Variants in LHFPL1 observed in about 807,000 individuals in gnomAD.
LHFPL1 encodes LHFPL tetraspan subfamily member 1 protein.
LHFPL1 carries 4 observed loss-of-function variants against 12.1 expected under a neutral mutation model. The observed-to-expected ratio is 0.33, with a 90% CI of 0.16 to 0.76. The LOEUF is 0.76. LHFPL1 is among the 30% of genes least tolerant of loss of function. The pLI is 0.61. For missense variants in LHFPL1, 141 were observed against 174.1 expected (o/e 0.81, Z 1.07); for synonymous variants, 52 against 61.9 (o/e 0.84, Z 0.75).
chrX:112,673,200 T>C (rs1339429994), intron 1 of LHFPL1, among the ~76,000 whole-genome samples: 7 of 111,727 alleles, frequency 6.3e-5, no homozygotes, highest in Non-Finnish European at 1.3e-4. Flanking sequence ...CATATGTATT[T>C]TGTGCTACGT....
chrX:112,658,431 CA>C (rs1160376369), intron 3 of LHFPL1, among the ~76,000 whole-genome samples: 137 of 40,089 alleles, frequency 3.4e-3, no homozygotes, highest in Middle Eastern at 0.013. Flanking sequence ...TCTCAAAAAA[CA>C]AAAAAAAAAA....
At chrX:112,660,029 G>A (rs1931130937) in intron 3 of LHFPL1, among the ~76,000 whole-genome samples, 2 of 111,939 alleles carry the variant, frequency 1.8e-5, no homozygotes, top group South Asian at 7.6e-4. Context: ...CATGATAGGT[G>A]GGGGAATATT....
intron 1 of LHFPL1, among the ~76,000 whole-genome samples, chrX:112,674,639 C>T (rs1209840336): frequency 1.8e-5 from 2 of 110,249 alleles, no homozygotes; most frequent in African/African-American, 3.3e-5. Flanking sequence ...CATGAATAGA[C>T]AATTATTAAA....
chrX:112,656,629 A>G (rs779369792), intron 3 of LHFPL1, among the ~76,000 whole-genome samples: 14 of 112,259 alleles, frequency 1.2e-4, no homozygotes, highest in African/African-American at 4.2e-4. Flanking sequence ...TAAGGAATAC[A>G]CTTAAAAGTT....
At chrX:112,634,325 TGTAG>T (rs781299829) in intron 3 of LHFPL1, among the ~76,000 whole-genome samples, 20 of 111,112 alleles carry the variant, frequency 1.8e-4, no homozygotes, top group African/African-American at 6.2e-4. Context: ...TAAGTCAAGT[TGTAG>T]TAGACTCACC....
intron 1 of LHFPL1, among the ~76,000 whole-genome samples, chrX:112,675,073 G>A (rs903198071): frequency 4.5e-5 from 5 of 111,435 alleles, no homozygotes; most frequent in African/African-American, 1.3e-4. Context: ...AAGCTATGAG[G>A]ATGCAAAGGC....
chrX:112,643,907 A>C, intron 3 of LHFPL1, among the ~76,000 whole-genome samples: 1 of 111,519 alleles, frequency 9.0e-6, no homozygotes, highest in East Asian at 2.8e-4. Context: ...AAGTCATCAA[A>C]CCTTTTTGAG....
At chrX:112,646,366 G>A (rs1280774257) in intron 3 of LHFPL1, among the ~76,000 whole-genome samples, 1 of 104,158 alleles carries the variant, frequency 9.6e-6, no homozygotes, top group Non-Finnish European at 2.0e-5. Flanking sequence ...GGGGGGGTGC[G>A]GGGGCTGGTA....
intron 1 of LHFPL1, among the ~76,000 whole-genome samples, chrX:112,675,717 C>G (rs1399010747): frequency 9.0e-6 from 1 of 111,035 alleles, no homozygotes; most frequent in Non-Finnish European, 1.9e-5. Context: ...CCAGGAAAGT[C>G]CCAAAAAACC....
rs1367365911 is a variant in LHFPL1, at chrX:112,658,241, TA to T, written c.481+2385del. ...GGAGTTCAAGAATGCCTGGCCAACA[TA>T]GTGAAACCCCATCTCTCCTAAAAAA... On this transcript the variant is annotated intron_variant, in intron 3 of 3. Coordinates refer to ENST00000371968, the MANE Select transcript of LHFPL1 (RefSeq NM_178175.4). 8.2e-5 allele frequency among the ~76,000 whole-genome samples: 9 copies of T among 109,369 alleles called. No individual in the cohort carries two copies. The Admixed American group carries it at 8.8e-4, about 11-fold the overall frequency. 95.0% of individuals were successfully genotyped at this position (109,369 alleles called of 115,157 possible). A position where few individuals can be genotyped will look rare whatever the true frequency, so the allele number is the denominator to read the frequency against.
intron 3 of LHFPL1, among the ~76,000 whole-genome samples, chrX:112,645,030 C>T (rs1342518859): frequency 1.8e-5 from 2 of 112,170 alleles, no homozygotes; most frequent in Admixed American, 9.3e-5. Context: ...TTTGGGTAGC[C>T]TCTACTGCAG....
intron 2 of LHFPL1, among the ~76,000 whole-genome samples, chrX:112,663,521 A>G (rs1931248682): frequency 9.0e-6 from 1 of 111,670 alleles, no homozygotes; most frequent in Non-Finnish European, 1.9e-5. Context: ...ATAAAAAAAA[A>G]ATAGAAAGGA....
At chrX:112,649,654 T>C (rs1239780010) in intron 3 of LHFPL1, among the ~76,000 whole-genome samples, 1 of 112,263 alleles carries the variant, frequency 8.9e-6, no homozygotes, top group Non-Finnish European at 1.9e-5. Context: ...CATTATTTTA[T>C]TTTACTTGAA....
rs151285479 is a variant in LHFPL1 at position 112,640,372 on chromosome X, G to A, written c.482-8771C>T. Among the ~76,000 whole-genome samples the A allele has an allele frequency of 2.3e-3, 259 of 111,472 alleles. 6 individuals carry two copies. Among genetic ancestry groups the A allele is most frequent in the East Asian group, 0.022 (77 of 3,512 alleles). On this transcript the variant is annotated intron_variant, in intron 3 of 3. Coordinates refer to ENST00000371968, the MANE Select transcript of LHFPL1 (RefSeq NM_178175.4). ...AAGAAGGGCATTCCCAGCAAAGGGA[G>A]TAACACATGCAAAGTTGCAAAGGGG...
intron 2 of LHFPL1, among the ~76,000 whole-genome samples, chrX:112,670,074 G>T (rs1295199525): frequency 8.9e-6 from 1 of 111,961 alleles, no homozygotes; most frequent in Non-Finnish European, 1.9e-5. Flanking sequence ...CAAGTTTCCT[G>T]GCTCTAGTGA....
chrX:112,638,388 C>T (rs1186248941), intron 3 of LHFPL1, among the ~76,000 whole-genome samples: 1 of 111,376 alleles, frequency 9.0e-6, no homozygotes, highest in African/African-American at 3.3e-5. Flanking sequence ...ATGGCTTTCA[C>T]AGGCTTCCAC....
chrX:112,671,253 T>C lies in LHFPL1; in HGVS notation c.138A>G (p.Thr46=). ...SQMGKPVSFS[T]FRRCNYPVRG... is the part of the protein sequence containing the mutation. ...GCACAGGGTAGTTGCACCTCCGGAA[T>C]GTGCTGAATGACACTGGCTTCCCCA... Residue 46 remains threonine (T), a synonymous_variant, in exon 2 of 4, where the codon ACA becomes ACG. Transcript: ENST00000371968. 8.3e-7 allele frequency: 1 copy of C among 1,211,986 alleles called. No individual in the cohort carries two copies. Among genetic ancestry groups the C allele is most frequent in the Non-Finnish European group, 1.1e-6 (1 of 895,565 alleles).
rs1249260235 is a variant in LHFPL1 at position 112,635,240 on chromosome X, T to C, written c.482-3639A>G. 8.0e-5 allele frequency among the ~76,000 whole-genome samples: 9 copies of C among 112,630 alleles called. No individual in the cohort carries two copies. The East Asian group carries it at 1.7e-3, about 21-fold the overall frequency. On this transcript the variant is annotated intron_variant, in intron 3 of 3. Coordinates refer to ENST00000371968, the MANE Select transcript of LHFPL1 (RefSeq NM_178175.4). ...TTATTTTCATCTGACAAACATGTATTGAGTACCGACTATATGCTAGGCATT... is the reference window on the plus strand; with the variant it reads ...TTATTTTCATCTGACAAACATGTATCGAGTACCGACTATATGCTAGGCATT...
chrX:112,674,876 G>A (rs1259597594), intron 1 of LHFPL1, among the ~76,000 whole-genome samples: 1 of 112,068 alleles, frequency 8.9e-6, no homozygotes, highest in African/African-American at 3.2e-5. Context: ...AAAACAGTGT[G>A]GAGATTCCCT....
Sources: gnomAD v4.1 joint callset for allele counts (sites outside exome capture counted in the v4.1 genomes callset) on GRCh38, gnomAD v4.1.1 for gene constraint, MANE v1.5 for transcripts, NCBI Gene and HGNC (gene_info 2026-07-23, HGNC 2026-07-21) for gene names.